PTPRD: variants seen among roughly 807,000 people sequenced by gnomAD.
PTPRD encodes the protein receptor-type tyrosine-protein phosphatase delta.
Under a neutral mutation model 214.5 loss-of-function variants are expected in PTPRD, and 34 were observed. The observed-to-expected ratio is 0.16, with a 90% confidence interval of 0.12 to 0.21. The LOEUF (loss-of-function observed/expected upper bound fraction) is 0.21. PTPRD is among the 10% of genes least tolerant of loss of function. PTPRD has a pLI of 1.00. For missense variants in PTPRD, 2,545 were observed against 2,398.7 expected (o/e 1.06, Z -1.27); for synonymous variants, 1,128 against 845.7 (o/e 1.33, Z -5.79).
rs1268843434 is a variant in PTPRD at position 9,672,518 on chromosome 9, A to G, written c.-287+62015T>C. On this transcript the variant is annotated intron_variant, in intron 7 of 45. Coordinates refer to ENST00000381196, the MANE Select transcript of PTPRD (RefSeq NM_002839.4). ...AGCCCAGCAAAGTTAGTAGCTTGCC[A>G]AATATCACAGAGCTAATACATGGTA... Among the ~76,000 whole-genome samples the G allele has an allele frequency of 2.0e-5, 3 of 152,190 alleles. No individual in the cohort carries two copies. The East Asian group carries it at 5.8e-4, about 29-fold the overall frequency.
At chr9:9,038,442 T>G (rs534141144) in intron 10 of PTPRD, among the ~76,000 whole-genome samples, 1 of 152,046 alleles carries the variant, frequency 6.6e-6, no homozygotes, top group Non-Finnish European at 1.5e-5. Context: ...ATACTGAACA[T>G]GTACACGAAC....
In PTPRD at chr9:9,389,327, A is replaced by G. The variant is rs186002648; in HGVS notation, c.-203+8122T>C. ...GGAGCTTGAGACCAGCCTGACCAACATGGTGAAATCCCATCTCTACTAAAA... is the reference window on the plus strand; with the variant it reads ...GGAGCTTGAGACCAGCCTGACCAACGTGGTGAAATCCCATCTCTACTAAAA... On this transcript the variant is annotated intron_variant, in intron 9 of 45. Transcript: ENST00000381196. Among the ~76,000 whole-genome samples, 236 of 152,234 alleles carry G rather than the reference A, an allele frequency of 1.6e-3. 1 individual carries two copies. Among genetic ancestry groups the G allele is most frequent in the South Asian group, 7.9e-3 (38 of 4,818 alleles).
At chr9:9,676,830 A>C (rs1233957082) in intron 7 of PTPRD, among the ~76,000 whole-genome samples, 1 of 152,126 alleles carries the variant, frequency 6.6e-6, no homozygotes, top group Middle Eastern at 3.2e-3. Context: ...AACTGGTGTG[A>C]GATGGTATCT....
intron 11 of PTPRD, among the ~76,000 whole-genome samples, chr9:8,990,157 G>C (rs1277417086): frequency 6.6e-6 from 1 of 152,080 alleles, no homozygotes; most frequent in African/African-American, 2.4e-5. Flanking sequence ...TGCACACTAA[G>C]AGTACAAGTT....
chr9:10,102,362 A>G (rs936057790), intron 3 of PTPRD, among the ~76,000 whole-genome samples: 1 of 151,714 alleles, frequency 6.6e-6, no homozygotes. Context: ...GTAAACAAAA[A>G]TCAGGTACAG....
At chr9:10,120,591 C>T (rs1284029775) in intron 3 of PTPRD, among the ~76,000 whole-genome samples, 1 of 151,836 alleles carries the variant, frequency 6.6e-6, no homozygotes, top group Non-Finnish European at 1.5e-5. Context: ...TTCTTAGACA[C>T]TTAGAGAAAT....
At position 9,370,160 on chromosome 9, in the gene PTPRD, A is replaced by G. The variant is rs561957066; in HGVS notation, c.-203+27289T>C. On this transcript the variant is annotated intron_variant, in intron 9 of 45. Transcript: ENST00000381196. ...CAATTCTGTGAAGAAAGTCATTGGT[A>G]GCTTGATGGGGATGGCATTGAATCT... 4.6e-5 allele frequency among the ~76,000 whole-genome samples: 7 copies of G among 152,238 alleles called. No homozygotes were observed. In the South Asian group the frequency reaches 1.2e-3, roughly 27 times the overall value.
intron 14 of PTPRD, among the ~76,000 whole-genome samples, chr9:8,544,935 T>C (rs1383330666): frequency 6.8e-6 from 1 of 147,746 alleles, no homozygotes; most frequent in Non-Finnish European, 1.5e-5. Flanking sequence ...CACTTTTGTA[T>C]CAAAGTGCCT....
intron 12 of PTPRD, among the ~76,000 whole-genome samples, chr9:8,691,396 GA>G (rs58521011): frequency 0.041 from 4,655 of 113,592 alleles, 121 homozygotes; most frequent in East Asian, 0.17. Flanking sequence ...CTTCTCTAGA[GA>G]AAAAAAAAAA....
intron 2 of PTPRD, among the ~76,000 whole-genome samples, chr9:10,535,674 GAATAT>G (rs142512828): frequency 0.093 from 14,127 of 151,970 alleles, 788 homozygotes; most frequent in African/African-American, 0.15. Flanking sequence ...ACCATTAAGT[GAATAT>G]AATATATTTG....
chr9:10,299,883 A>T (rs538758500), intron 3 of PTPRD, among the ~76,000 whole-genome samples: 1 of 152,332 alleles, frequency 6.6e-6, no homozygotes, highest in South Asian at 2.1e-4. Context: ...TAATGCATAA[A>T]GTAACTCACA....
At chr9:8,528,513 A>G (rs750881864) in intron 15 of PTPRD, 78 bp downstream of exon 15, 28 of 1,249,156 alleles carry the variant, frequency 2.2e-5, no homozygotes, top group South Asian at 1.3e-4. Context: ...AAAATAAATT[A>G]AAATTAAAAA....
chr9:8,897,902 G>A (rs867669287), intron 11 of PTPRD, among the ~76,000 whole-genome samples: 2 of 152,116 alleles, frequency 1.3e-5, no homozygotes, highest in African/African-American at 4.8e-5. Flanking sequence ...CCTATATCAT[G>A]GAACCTTAGC....
intron 5 of PTPRD, among the ~76,000 whole-genome samples, chr9:9,806,864 T>C (rs148106353): frequency 2.0e-5 from 3 of 152,124 alleles, no homozygotes; most frequent in East Asian, 1.9e-4. Context: ...ACAGCTCTTG[T>C]GAGCATGCAT....
intron 3 of PTPRD, among the ~76,000 whole-genome samples, chr9:10,235,797 A>G (rs1476122922): frequency 6.6e-6 from 1 of 152,090 alleles, no homozygotes; most frequent in East Asian, 1.9e-4. Flanking sequence ...ATGAAATTTT[A>G]AAATGAAAAT....
At chr9:10,141,656 C>T (rs1410646983) in intron 3 of PTPRD, among the ~76,000 whole-genome samples, 6 of 151,902 alleles carry the variant, frequency 3.9e-5, no homozygotes, top group Admixed American at 2.0e-4. Context: ...CAATCAATAT[C>T]GTGAAAATGG....
chr9:10,361,560 A>C (rs73644427), intron 2 of PTPRD, among the ~76,000 whole-genome samples: 3,641 of 152,252 alleles, frequency 0.024, 122 homozygotes, highest in African/African-American at 0.076. Context: ...TGTCTACTAT[A>C]CACCCGAAAT....
chr9:9,074,300 A>G (rs1319595029), intron 10 of PTPRD, among the ~76,000 whole-genome samples: 1 of 152,144 alleles, frequency 6.6e-6, no homozygotes, highest in Non-Finnish European at 1.5e-5. Flanking sequence ...AGAGATAAGG[A>G]GTAGCACAGG....
At chr9:8,746,134 G>A (rs772667694) in intron 11 of PTPRD, among the ~76,000 whole-genome samples, 81 of 151,936 alleles carry the variant, frequency 5.3e-4, no homozygotes, top group Non-Finnish European at 9.9e-4. Flanking sequence ...TGTCAGCAAG[G>A]ACATATGTTG....
Sources: gnomAD v4.1 joint callset for allele counts (sites outside exome capture counted in the v4.1 genomes callset) on GRCh38, gnomAD v4.1.1 for gene constraint, MANE v1.5 for transcripts, NCBI Gene and HGNC (gene_info 2026-07-23, HGNC 2026-07-21) for gene names.